GSK3B: variants seen among roughly 807,000 people sequenced by gnomAD.
GSK3B encodes the protein glycogen synthase kinase 3 beta.
GSK3B carries 15 observed loss-of-function variants against 56.4 expected under a neutral mutation model. The observed-to-expected ratio is 0.27, with a 90% confidence interval of 0.18 to 0.41. The LOEUF is 0.41. Ranked by LOEUF, GSK3B falls within the 10% of genes least tolerant of loss-of-function variation. The pLI is 1.00. For synonymous variants in GSK3B, 181 were observed against 188.9 expected, an observed-to-expected ratio of 0.96 and a Z score of 0.34; for missense variants, 300 against 513.4, an observed-to-expected ratio of 0.58 and a Z score of 4.02.
At chr3:120,028,842 C>T in intron 1 of GSK3B, 1 of 431,000 alleles carries the variant, frequency 2.3e-6, no homozygotes, top group South Asian at 2.1e-5. Context: ...GGCCCTAGCC[C>T]CGCCACGGCT....
intron 3 of GSK3B, among the ~76,000 whole-genome samples, chr3:119,939,328 G>C (rs781332953): frequency 6.6e-6 from 1 of 152,106 alleles, no homozygotes; most frequent in Non-Finnish European, 1.5e-5. Context: ...CGATATAGAT[G>C]TTCAAAGACC....
rs2055486457 is a variant in GSK3B at position 119,825,316 on chromosome 3, TCTC to T, written c.*1469_*1471del. On this transcript the variant is annotated 3_prime_UTR_variant, in exon 11 of 11. Coordinates refer to ENST00000264235, the MANE Select transcript of GSK3B (RefSeq NM_001146156.2). ...CTCACGGCAAACATAGTCCTTCAAT[TCTC>T]CTTGCTTTCCAAGGAATATTGCTTT... 4.4e-6 allele frequency: 1 copy of T among 229,680 alleles called. No individual in the cohort carries two copies. Among genetic ancestry groups the T allele is most frequent in the African/African-American group, 2.2e-5 (1 of 45,144 alleles). The allele number at this position is 229,680 out of a possible 1,614,324, so 14.2% of individuals were successfully genotyped here.
chr3:119,963,625 C>CAAAAAAAAAAAAAA (rs774359104), intron 2 of GSK3B, among the ~76,000 whole-genome samples: 6 of 79,134 alleles, frequency 7.6e-5, no homozygotes, highest in African/African-American at 2.6e-4. Flanking sequence ...TTCTTCCCCA[C>CAAAAAAAAAAAAAA]AAAAAAAAAA....
chr3:120,050,852 T>A (rs1357012164), intron 1 of GSK3B, among the ~76,000 whole-genome samples: 1 of 152,116 alleles, frequency 6.6e-6, no homozygotes, highest in Admixed American at 6.5e-5. Context: ...ATAAACCAGA[T>A]CACTAGGGTA....
Position 119,826,553 on chromosome 3 carries a change from A to AC in GSK3B, c.*234dup. ...CTAGTGCTCCGCTTTCCCCCTCCCCACAACCCCTCCCACCCCCTGGATCTC... is the reference window on the plus strand; with the variant it reads ...CTAGTGCTCCGCTTTCCCCCTCCCCACCAACCCCTCCCACCCCCTGGATCTC... On this transcript the variant is annotated 3_prime_UTR_variant, in exon 11 of 11. Transcript: ENST00000264235. 1 of 376,022 alleles carries AC rather than the reference A, an allele frequency of 2.7e-6. No individual in the cohort carries two copies. The highest frequency in any genetic ancestry group is 2.1e-5 in the South Asian group (1 of 48,370). 23.3% of individuals were successfully genotyped at this position (376,022 alleles called of 1,614,324 possible). A position where few individuals can be genotyped will look rare whatever the true frequency, so the allele number is the denominator to read the frequency against.
At chr3:120,029,347 C>T in intron 1 of GSK3B, 2 of 745,360 alleles carry the variant, frequency 2.7e-6, no homozygotes, top group Non-Finnish European at 5.0e-6. Context: ...GCCTCAAAAG[C>T]CCTTTCTTTT....
At chr3:119,846,559 T>G (rs929776478) in intron 9 of GSK3B, among the ~76,000 whole-genome samples, 1 of 152,200 alleles carries the variant, frequency 6.6e-6, no homozygotes, top group Non-Finnish European at 1.5e-5. Flanking sequence ...CGCTGATTAT[T>G]AGAGAAATGC....
chr3:120,019,706 C>T (rs1424512874), intron 1 of GSK3B, among the ~76,000 whole-genome samples: 1 of 152,136 alleles, frequency 6.6e-6, no homozygotes, highest in South Asian at 2.1e-4. Context: ...CTATAAAGTA[C>T]CTGAAAGGAC....
chr3:119,865,474 T>TAC (rs2056169684), intron 8 of GSK3B, among the ~76,000 whole-genome samples: 2 of 45,988 alleles, frequency 4.3e-5, no homozygotes, highest in Non-Finnish European at 1.2e-4. Context: ...ATATTTTTTT[T>TAC]TTTTTTTTTT....
chr3:120,035,022 G>C (rs187953449), intron 1 of GSK3B, among the ~76,000 whole-genome samples: 232 of 152,244 alleles, frequency 1.5e-3, no homozygotes, highest in Middle Eastern at 3.4e-3. Flanking sequence ...GAACCCAGGA[G>C]GCGGAGGTTG....
intron 1 of GSK3B, among the ~76,000 whole-genome samples, chr3:120,054,934 T>A (rs1001536391): frequency 2.0e-5 from 3 of 152,172 alleles, no homozygotes; most frequent in Non-Finnish European, 2.9e-5. Flanking sequence ...CCCAGACAAA[T>A]ATCTGGGTGT....
At chr3:119,926,407 G>C (rs2056890025) in intron 3 of GSK3B, among the ~76,000 whole-genome samples, 1 of 151,536 alleles carries the variant, frequency 6.6e-6, no homozygotes, top group African/African-American at 2.4e-5. Flanking sequence ...AATATGAATG[G>C]TTCCATCTTT....
chr3:120,073,917 A>G (rs539585421), intron 1 of GSK3B, among the ~76,000 whole-genome samples: 35 of 152,320 alleles, frequency 2.3e-4, no homozygotes, highest in South Asian at 4.1e-4. Context: ...AAAAAAATAA[A>G]ATCAACAAAC....
intron 2 of GSK3B, among the ~76,000 whole-genome samples, chr3:119,990,992 T>C (rs140703282): frequency 2.6e-4 from 39 of 152,218 alleles, no homozygotes; most frequent in Admixed American, 8.5e-4. Context: ...AACCTAACAA[T>C]AGTGATACCT....
rs114235028 is a variant in GSK3B, at chr3:119,889,541, A to G, written c.814-13033T>C. Among the ~76,000 whole-genome samples the G allele has an allele frequency of 3.1e-3, 476 of 152,220 alleles. 3 individuals carry two copies. The highest frequency in any genetic ancestry group is 9.2e-3 in the Admixed American group (140 of 15,272). ...ATTTTAAATCCTAGACCAACCTCTA[A>G]AAATGCAACAAGGAGGTATAGCTTA... On this transcript the variant is annotated intron_variant, in intron 7 of 10. Coordinates refer to ENST00000264235, the MANE Select transcript of GSK3B (RefSeq NM_001146156.2).
chr3:120,078,633 A>G (rs1205642543), intron 1 of GSK3B, among the ~76,000 whole-genome samples: 1 of 149,644 alleles, frequency 6.7e-6, no homozygotes, highest in African/African-American at 2.5e-5. Flanking sequence ...GCTCACTACA[A>G]CCTCTGCCTC....
At chr3:119,991,707 T>G (rs1436321280) in intron 2 of GSK3B, among the ~76,000 whole-genome samples, 1 of 152,094 alleles carries the variant, frequency 6.6e-6, no homozygotes, top group Non-Finnish European at 1.5e-5. Context: ...GAAATTCCTA[T>G]TTTATGATAA....
At chr3:119,921,579 T>A (rs1157214324) in intron 4 of GSK3B, among the ~76,000 whole-genome samples, 1 of 152,038 alleles carries the variant, frequency 6.6e-6, no homozygotes, top group Non-Finnish European at 1.5e-5. Context: ...TTCAGCAAAA[T>A]CCAGACCAAG....
In GSK3B at chr3:119,885,315, G is replaced by A. The variant is rs182485405; in HGVS notation, c.814-8807C>T. 1.3e-4 allele frequency among the ~76,000 whole-genome samples: 19 copies of A among 148,236 alleles called. No individual in the cohort carries two copies. The East Asian group carries it at 3.5e-3, about 27-fold the overall frequency. On this transcript the variant is annotated intron_variant, in intron 7 of 10. Transcript: ENST00000264235. ...AATACCTAGGAATACCTCTAACTGAGAAGGTGAAAGATCTCTACAGGGAGA... is the reference window on the plus strand; with the variant it reads ...AATACCTAGGAATACCTCTAACTGAAAAGGTGAAAGATCTCTACAGGGAGA...
Sources: allele counts gnomAD v4.1 joint callset (sites outside exome capture counted in the v4.1 genomes callset), GRCh38; gene constraint gnomAD v4.1.1; transcripts MANE v1.5; gene names NCBI Gene and HGNC (gene_info 2026-07-23, HGNC 2026-07-21).